Variants in TENM4 observed in about 807,000 individuals in gnomAD.
TENM4 encodes the protein teneurin-4.
In TENM4, 82 loss-of-function variants were observed where a neutral mutation model predicts 243.3. The ratio of observed to expected loss-of-function variants is 0.34; its 90% confidence interval spans 0.28 to 0.40. TENM4 has a LOEUF of 0.40. Ranked by LOEUF, TENM4 falls within the 10% of genes least tolerant of loss-of-function variation. The pLI is 1.00. For synonymous variants in TENM4, 1,412 were observed against 1,456.3 expected, an observed-to-expected ratio of 0.97 and a Z score of 0.69; for missense variants, 3,138 against 3,673.3, an observed-to-expected ratio of 0.85 and a Z score of 3.77.
At chr11:78,772,710 A>G (rs1856667105) in intron 17 of TENM4, among the ~76,000 whole-genome samples, 1 of 152,210 alleles carries the variant, frequency 6.6e-6, no homozygotes, top group African/African-American at 2.4e-5. Flanking sequence ...TGTTATTCCA[A>G]AGTAAAAGAA....
Position 78,851,972 on chromosome 11 carries a change from A to G in TENM4, c.1681+2132T>C, listed in dbSNP as rs182832478. Among the ~76,000 whole-genome samples, 76 of 152,342 alleles carry G rather than the reference A, an allele frequency of 5.0e-4. No individual in the cohort carries two copies. In the East Asian group the frequency reaches 0.013, roughly 26 times the overall value. ...ACAATCCCTGCCACAGTTCACAAGA[A>G]GGTATCCAGGGAGGAAACCAACAGC... On this transcript the variant is annotated intron_variant, in intron 12 of 33. Transcript: ENST00000278550.
At chr11:79,021,946 G>A (rs1411806914) in intron 6 of TENM4, among the ~76,000 whole-genome samples, 2 of 152,190 alleles carry the variant, frequency 1.3e-5, no homozygotes, top group African/African-American at 2.4e-5. Flanking sequence ...AAGACCCAGG[G>A]AGAGGTGTGT....
At chr11:78,718,910 T>C (rs1457102091) in intron 25 of TENM4, among the ~76,000 whole-genome samples, 1 of 152,212 alleles carries the variant, frequency 6.6e-6, no homozygotes, top group African/African-American at 2.4e-5. Flanking sequence ...TTGTTACCAA[T>C]TTCTCTTTGA....
Position 78,908,166 on chromosome 11 carries a change from A to C in TENM4, c.494-4643T>G, listed in dbSNP as rs55756909. On this transcript the variant is annotated intron_variant, in intron 6 of 33. Coordinates refer to ENST00000278550, the MANE Select transcript of TENM4 (RefSeq NM_001098816.3). ...ACAATGCTGGGCAGAGCCGTATGTA[A>C]GAGAAAGAGACTCGGCTTTGGTGTC... Among the ~76,000 whole-genome samples the C allele has an allele frequency of 8.8e-3, 1,343 of 152,332 alleles. 13 individuals are homozygous for C. The highest frequency in any genetic ancestry group is 0.031 in the African/African-American group (1,283 of 41,582).
At chr11:79,323,959 A>T (rs769626350) in intron 1 of TENM4, among the ~76,000 whole-genome samples, 1 of 152,134 alleles carries the variant, frequency 6.6e-6, no homozygotes, top group Non-Finnish European at 1.5e-5. Flanking sequence ...ACATATACAC[A>T]GCCATTGTCC....
intron 1 of TENM4, among the ~76,000 whole-genome samples, chr11:79,426,428 C>T (rs1859050873): frequency 6.6e-6 from 1 of 152,160 alleles, no homozygotes; most frequent in Non-Finnish European, 1.5e-5. Context: ...TGTTGCCCCT[C>T]TGGAAAATGG....
intron 4 of TENM4, among the ~76,000 whole-genome samples, chr11:79,114,880 T>A (rs1861586206): frequency 6.6e-6 from 1 of 152,080 alleles, no homozygotes; most frequent in African/African-American, 2.4e-5. Context: ...TCAGAGAGAA[T>A]AAGGGGTATT....
chr11:79,242,468 TTG>T (rs779869807), intron 2 of TENM4, among the ~76,000 whole-genome samples: 10 of 152,274 alleles, frequency 6.6e-5, no homozygotes, highest in Non-Finnish European at 1.5e-4. Flanking sequence ...CGTTAACAGT[TTG>T]TGTGTGTGTT....
chr11:78,946,849 G>A (rs1857010380), intron 6 of TENM4, among the ~76,000 whole-genome samples: 1 of 152,220 alleles, frequency 6.6e-6, no homozygotes, highest in South Asian at 2.1e-4. Flanking sequence ...GCCTCAAGAT[G>A]TAACTGAATT....
At chr11:79,178,635 G>A (rs1863220126) in intron 3 of TENM4, among the ~76,000 whole-genome samples, 1 of 152,200 alleles carries the variant, frequency 6.6e-6, no homozygotes, top group African/African-American at 2.4e-5. Flanking sequence ...ATAGCAACAT[G>A]CAGGTCCTGG....
chr11:78,959,163 C>A (rs1376811532), intron 6 of TENM4, among the ~76,000 whole-genome samples: 1 of 152,062 alleles, frequency 6.6e-6, no homozygotes, highest in African/African-American at 2.4e-5. Flanking sequence ...ATTCAATGAG[C>A]ACTAAATTAA....
intron 3 of TENM4, among the ~76,000 whole-genome samples, chr11:79,181,258 T>C (rs1366683266): frequency 6.6e-6 from 1 of 152,190 alleles, no homozygotes; most frequent in Non-Finnish European, 1.5e-5. Flanking sequence ...TAAATGGGAT[T>C]TATCCCAGGT....
chr11:78,870,268 T>C (rs1859088377), intron 9 of TENM4, among the ~76,000 whole-genome samples: 2 of 152,228 alleles, frequency 1.3e-5, no homozygotes, highest in Admixed American at 1.3e-4. Flanking sequence ...CTAATTCCTA[T>C]ATCTACTGAA....
At chr11:79,353,056 G>C (rs1453217378) in intron 1 of TENM4, among the ~76,000 whole-genome samples, 1 of 152,134 alleles carries the variant, frequency 6.6e-6, no homozygotes, top group African/African-American at 2.4e-5. Flanking sequence ...GGATAAAGCT[G>C]TCTCCCAGGT....
intron 4 of TENM4, among the ~76,000 whole-genome samples, chr11:79,124,891 ATATGTG>A (rs1427380837): frequency 0.012 from 688 of 57,848 alleles, 2 homozygotes; most frequent in East Asian, 0.016. Context: ...ATGTATATGT[ATATGTG>A]TGTGTGTGTG....
In TENM4 at chr11:79,440,989, GAC is replaced by G. The variant is rs970446173; in HGVS notation, c.-803_-802del. On this transcript the variant is annotated 5_prime_UTR_variant, in exon 1 of 34. Transcript: ENST00000278550. This position sits in a 1 kb window ranked among gnomAD's most constrained non-coding sequence, Gnocchi z 4.7. ...AGAAAGAGAGGGCGAGCGAGAGAGA[GAC>G]ACACACACACACGCACACGCACACG... 33 of 152,002 alleles carry G rather than the reference GAC, an allele frequency of 2.2e-4. No homozygotes were observed. Among genetic ancestry groups the G allele is most frequent in the East Asian group, 1.9e-3 (10 of 5,134 alleles). The allele number at this position is 152,002 out of a possible 1,614,324, so 9.4% of individuals were successfully genotyped here.
chr11:79,408,679 T>G (rs1374639680), intron 1 of TENM4, among the ~76,000 whole-genome samples: 1 of 152,184 alleles, frequency 6.6e-6, no homozygotes, highest in African/African-American at 2.4e-5. Flanking sequence ...GGAAGAAAAT[T>G]GCATTTTGGG....
intron 15 of TENM4, among the ~76,000 whole-genome samples, chr11:78,803,333 A>C (rs548804830): frequency 8.5e-5 from 13 of 152,216 alleles, no homozygotes; most frequent in African/African-American, 2.9e-4. Flanking sequence ...CCAGCCTTTC[A>C]TTTTCTTAAA....
intron 3 of TENM4, among the ~76,000 whole-genome samples, chr11:79,168,421 C>T (rs1270266258): frequency 6.6e-6 from 1 of 152,086 alleles, no homozygotes; most frequent in Non-Finnish European, 1.5e-5. Flanking sequence ...TCAGGGTGGG[C>T]TTCCTGGAGG....
Sources: allele counts gnomAD v4.1 joint callset (sites outside exome capture counted in the v4.1 genomes callset), GRCh38; gene constraint gnomAD v4.1.1; non-coding constraint Gnocchi (gnomAD v3.1); transcripts MANE v1.5; gene names NCBI Gene and HGNC (gene_info 2026-07-23, HGNC 2026-07-21).